The following CACNA1A variants were observed in gnomAD, a reference collection of about 807,000 sequenced individuals.
CACNA1A encodes calcium voltage-gated channel subunit alpha1 A.
CACNA1A carries 57 observed loss-of-function variants against 262.4 expected under a neutral mutation model. That is an observed-to-expected ratio of 0.22 (90% CI 0.18 to 0.27). The LOEUF (loss-of-function observed/expected upper bound fraction) is 0.27. CACNA1A is among the 10% of genes least tolerant of loss of function. CACNA1A has a pLI of 1.00. For missense variants in CACNA1A, 2,526 were observed against 3,562.8 expected, an observed-to-expected ratio of 0.71 and a Z score of 7.41; for synonymous variants, 1,431 against 1,419.3, an observed-to-expected ratio of 1.01 and a Z score of -0.18.
chr19:13,387,064 G>T (rs964905088), intron 3 of CACNA1A, among the ~76,000 whole-genome samples: 1 of 151,870 alleles, frequency 6.6e-6, no homozygotes, highest in Non-Finnish European at 1.5e-5. Flanking sequence ...TGTTTCTCCT[G>T]CCTCAGCCTC....
At chr19:13,294,108 GTCTT>G (rs1394949611) in intron 19 of CACNA1A, among the ~76,000 whole-genome samples, 6 of 149,962 alleles carry the variant, frequency 4.0e-5, no homozygotes, top group South Asian at 2.1e-4. Flanking sequence ...ATAATCATTG[GTCTT>G]TCTTTTTTTT....
At position 13,224,239 on chromosome 19, in the gene CACNA1A, G is replaced by A. The variant is rs557700055; in HGVS notation, c.5731+428C>T. On this transcript the variant is annotated intron_variant, in intron 38 of 46. Coordinates refer to ENST00000360228, the MANE Select transcript of CACNA1A (RefSeq NM_001127222.2). The stretch of plus-strand genomic sequence containing the variant: ...CTTGGGAGGCTGAGGCAGGAGAATC[G>A]CTTGAACCCGGGAGGCGGAGGTAGC... Among the ~76,000 whole-genome samples the A allele has an allele frequency of 5.9e-5, 9 of 151,636 alleles. No homozygotes were observed. The South Asian group carries it at 1.9e-3, about 32-fold the overall frequency.
chr19:13,336,091 T>G (rs1187430767), intron 6 of CACNA1A, among the ~76,000 whole-genome samples, 182 bp from the exon 7 acceptor site: 2 of 152,170 alleles, frequency 1.3e-5, no homozygotes, highest in African/African-American at 4.8e-5. Flanking sequence ...GAAGAAAACA[T>G]CCAAAGGGTA....
chr19:13,251,453 A>G (rs2056396143), intron 30 of CACNA1A, among the ~76,000 whole-genome samples: 2 of 152,332 alleles, frequency 1.3e-5, no homozygotes, highest in South Asian at 4.1e-4. Flanking sequence ...ACTGCACTCC[A>G]GCCTGGGCAA....
chr19:13,267,721 T>C lies in CACNA1A; in HGVS notation c.3990-4888A>G, dbSNP rs139817605. On this transcript the variant is annotated intron_variant, in intron 24 of 46. Coordinates refer to ENST00000360228, the MANE Select transcript of CACNA1A (RefSeq NM_001127222.2). ...ACCTTGGGAGGACGAGTTGGGAAGA[T>C]TGCTTGAGGCCAGAAGTTCGAGACC... 2.7e-3 allele frequency among the ~76,000 whole-genome samples: 403 copies of C among 152,006 alleles called. 2 individuals are homozygous for C. Among genetic ancestry groups the C allele is most frequent in the African/African-American group, 9.1e-3 (378 of 41,500 alleles).
intron 6 of CACNA1A, among the ~76,000 whole-genome samples, chr19:13,355,195 G>T (rs536204547): frequency 4.9e-4 from 75 of 152,282 alleles, no homozygotes; most frequent in African/African-American, 1.8e-3. Flanking sequence ...GCTATTAGAT[G>T]ACAGAAGACT....
chr19:13,207,873 G>C lies in CACNA1A; in HGVS notation c.6961C>G (p.Gln2321Glu). 1.7e-6 allele frequency: 2 copies of C among 1,185,824 alleles called. No homozygotes were observed. Among genetic ancestry groups the C allele is most frequent in the Non-Finnish European group, 2.2e-6 (2 of 899,566 alleles). 73.5% of individuals were successfully genotyped at this position (1,185,824 alleles called of 1,614,324 possible). Residue 2321 changes from glutamine (Q) to glutamate (E), a missense_variant, in exon 47 of 47, where the codon CAG becomes GAG. Physicochemically the swap from Gln to Glu is conservative, Grantham distance 29 (BLOSUM62 2). Around this residue, in one of 17 missense-constraint regions of CACNA1A, gnomAD observed 929 missense variants for 868.1 expected, o/e 1.07. Transcript: ENST00000360228. The surrounding 1 kb of genome is among the most constrained non-coding windows in gnomAD (Gnocchi z 5.7). ...CTGGCCACCGCCTGCTGCTGCTGCT[G>C]CTGCTGCTGCTGCTGCTGCTGCTGC... ...PPQQQQQQQQ[Q>E]QQQQAVARPG...
At chr19:13,402,819 T>A (rs1043410640) in intron 3 of CACNA1A, among the ~76,000 whole-genome samples, 1 of 134,652 alleles carries the variant, frequency 7.4e-6, no homozygotes, top group Non-Finnish European at 1.6e-5. Context: ...TATACATATA[T>A]ACACACATAT....
At position 13,258,958 on chromosome 19, in the gene CACNA1A, G is replaced by C. The variant is rs1018430660; in HGVS notation, c.4388+606C>G. On this transcript the variant is annotated intron_variant, in intron 27 of 46. Coordinates refer to ENST00000360228, the MANE Select transcript of CACNA1A (RefSeq NM_001127222.2). ...TCTTCTTTTTTTTTTTCAGGGATAGGGGTCTCCTTCTGTTGTCTAGGCTGG... is the reference window on the plus strand; with the variant it reads ...TCTTCTTTTTTTTTTTCAGGGATAGCGGTCTCCTTCTGTTGTCTAGGCTGG... 4 of 151,562 alleles carry C rather than the reference G, an allele frequency of 2.6e-5. No homozygotes were observed. In the East Asian group the frequency reaches 7.7e-4, roughly 29 times the overall value. The allele number at this position is 151,562 out of a possible 1,614,324, so 9.4% of individuals were successfully genotyped here.
intron 22 of CACNA1A, 105 bp from the exon 23 acceptor site, chr19:13,277,233 G>C: frequency 1.3e-6 from 1 of 755,554 alleles, no homozygotes; most frequent in Non-Finnish European, 2.3e-6. Context: ...CTACCCAGAA[G>C]AGGAAACACA....
chr19:13,310,323 T>G, intron 12 of CACNA1A, among the ~76,000 whole-genome samples: 1 of 149,558 alleles, frequency 6.7e-6, no homozygotes, highest in Non-Finnish European at 1.5e-5. Context: ...GGGGTGGTGG[T>G]GCATGCCTCT....
At chr19:13,267,272 A>G (rs1022429594) in intron 24 of CACNA1A, among the ~76,000 whole-genome samples, 1 of 152,188 alleles carries the variant, frequency 6.6e-6, no homozygotes, top group African/African-American at 2.4e-5. Flanking sequence ...GCACGTACAC[A>G]CACGCACCCC....
intron 6 of CACNA1A, among the ~76,000 whole-genome samples, chr19:13,348,457 C>G (rs1286957245): frequency 6.6e-6 from 1 of 152,100 alleles, no homozygotes; most frequent in Admixed American, 6.6e-5. Context: ...AATACCAGCA[C>G]TTTGGGAGGC....
chr19:13,411,317 A>G (rs1305860688), intron 3 of CACNA1A, among the ~76,000 whole-genome samples: 1 of 152,034 alleles, frequency 6.6e-6, no homozygotes, highest in Non-Finnish European at 1.5e-5. Context: ...TCCCACCCAA[A>G]TCTCAACTTG....
chr19:13,336,036 C>G (rs1447653999), intron 6 of CACNA1A, 127 bp from the exon 7 acceptor site: 1 of 584,158 alleles, frequency 1.7e-6, no homozygotes, highest in Non-Finnish European at 3.1e-6. Flanking sequence ...TTGTGGAGTT[C>G]TGGGGCTCTG....
chr19:13,470,604 G>T (rs1028346273), intron 1 of CACNA1A, among the ~76,000 whole-genome samples: 1 of 152,064 alleles, frequency 6.6e-6, no homozygotes, highest in African/African-American at 2.4e-5. Context: ...CCATTCTCTT[G>T]TTGCCCTTTC....
chr19:13,363,276 C>T (rs774734348), intron 5 of CACNA1A: 2 of 151,382 alleles, frequency 1.3e-5, no homozygotes, highest in Non-Finnish European at 2.9e-5. Context: ...TCTCTGCTCA[C>T]GGCTGATTTT....
Position 13,214,249 on chromosome 19 carries a change from G to T in CACNA1A, c.5924C>A (p.Ala1975Asp). The change falls in exon 40 of 47, where the codon GCC becomes GAC. Residue 1975 changes from alanine to aspartate, a missense_variant. Coordinates refer to ENST00000360228, the MANE Select transcript of CACNA1A (RefSeq NM_001127222.2). The surrounding 1 kb of genome is among the most constrained non-coding windows in gnomAD (Gnocchi z 4.1). ...YRQSKAKKLQ[A>D]MREEQDRTPL... ...ACAGCGCACCTGCTCCTCGCGCATG[G>T]CCTGCAGCTTCTTGGCCTTGCTCTG... 1.2e-5 allele frequency: 20 copies of T among 1,610,146 alleles called. No homozygotes were observed. The highest frequency in any genetic ancestry group is 1.7e-5 in the Non-Finnish European group (20 of 1,179,720).
At chr19:13,238,065 C>T (rs1445764633) in intron 31 of CACNA1A, among the ~76,000 whole-genome samples, 5 of 152,048 alleles carry the variant, frequency 3.3e-5, no homozygotes, top group Admixed American at 2.6e-4. Context: ...GGGGAGGAGA[C>T]ACATGAGGCA....
Sources: allele counts gnomAD v4.1 joint callset (sites outside exome capture counted in the v4.1 genomes callset), GRCh38; gene constraint gnomAD v4.1.1; regional missense constraint gnomAD v4.1.1; non-coding constraint Gnocchi (gnomAD v3.1); transcripts MANE v1.5; gene names NCBI Gene and HGNC (gene_info 2026-07-23, HGNC 2026-07-21).